The following CNTN5 variants were observed in gnomAD, a reference collection of about 807,000 sequenced individuals.
CNTN5 encodes contactin 5.
CNTN5 carries 77 observed loss-of-function variants against 129.1 expected under a neutral mutation model. The ratio of observed to expected loss-of-function variants is 0.60; its 90% CI spans 0.50 to 0.72. CNTN5 has a LOEUF of 0.72. CNTN5 is among the 30% of genes least tolerant of loss of function. The pLI is 0.00. For missense variants in CNTN5, 1,478 were observed against 1,328.8 expected (o/e 1.11, Z -1.75); for synonymous variants, 509 against 465.6 (o/e 1.09, Z -1.20).
chr11:99,553,979 C>CACACACACACAT (rs1555025628), intron 2 of CNTN5, among the ~76,000 whole-genome samples: 29,284 of 145,352 alleles, frequency 0.2, 2,983 homozygotes, highest in African/African-American at 0.24. Context: ...CACACACACA[C>CACACACACACAT]ACACACACAC....
At position 99,676,118 on chromosome 11, in the gene CNTN5, A is replaced by G. The variant is rs542900660; in HGVS notation, c.55+119849A>G. Among the ~76,000 whole-genome samples, 3 of 152,242 alleles carry G rather than the reference A, an allele frequency of 2.0e-5. No homozygotes were observed. The East Asian group carries it at 5.8e-4, about 29-fold the overall frequency. ...GTGTCCAACATGTAATAAATAGTTA[A>G]TTATTACTTGCTATTCATATTGTGA... On this transcript the variant is annotated intron_variant, in intron 3 of 24. Transcript: ENST00000524871.
intron 2 of CNTN5, among the ~76,000 whole-genome samples, chr11:99,554,426 T>C (rs1406411647): frequency 2.0e-5 from 3 of 152,146 alleles, no homozygotes; most frequent in African/African-American, 7.2e-5. Context: ...CTCCTTTTGA[T>C]GGCTCTCAAC....
intron 3 of CNTN5, among the ~76,000 whole-genome samples, chr11:99,783,870 A>G (rs574711859): frequency 7.2e-5 from 11 of 151,914 alleles, no homozygotes; most frequent in Admixed American, 3.3e-4. Flanking sequence ...ACCTAATGCT[A>G]GATGACGAGT....
At chr11:99,763,348 T>A (rs942663816) in intron 3 of CNTN5, among the ~76,000 whole-genome samples, 16 of 152,076 alleles carry the variant, frequency 1.1e-4, no homozygotes, top group African/African-American at 3.9e-4. Flanking sequence ...AAAAGGATAA[T>A]CATAAATATT....
At chr11:99,974,327 G>A (rs998741364) in intron 8 of CNTN5, among the ~76,000 whole-genome samples, 1 of 152,108 alleles carries the variant, frequency 6.6e-6, no homozygotes, top group African/African-American at 2.4e-5. Context: ...TAAGGGACAG[G>A]CACAAGGTCA....
At chr11:99,177,708 T>A (rs1471500143) in intron 1 of CNTN5, among the ~76,000 whole-genome samples, 1 of 152,078 alleles carries the variant, frequency 6.6e-6, no homozygotes, top group East Asian at 1.9e-4. Flanking sequence ...AGGAAAAAAA[T>A]GTATATATGA....
At chr11:99,992,819 G>A (rs1339792391) in intron 8 of CNTN5, among the ~76,000 whole-genome samples, 1 of 152,184 alleles carries the variant, frequency 6.6e-6, no homozygotes, top group African/African-American at 2.4e-5. Flanking sequence ...CTTTCAGCTG[G>A]AAGGCTTCTG....
intron 13 of CNTN5, among the ~76,000 whole-genome samples, chr11:100,158,764 A>G (rs1347606717): frequency 2.0e-5 from 3 of 151,914 alleles, no homozygotes; most frequent in Admixed American, 2.0e-4. Context: ...TGACCACTCC[A>G]GAGACAGTTT....
intron 21 of CNTN5, among the ~76,000 whole-genome samples, chr11:100,311,424 A>T (rs1951470956): frequency 6.6e-6 from 1 of 150,710 alleles, no homozygotes; most frequent in South Asian, 2.1e-4. Context: ...TTTATTTCTA[A>T]AAAGAGTTCT....
At chr11:100,232,970 C>T (rs545395676) in intron 16 of CNTN5, among the ~76,000 whole-genome samples, 1 of 152,252 alleles carries the variant, frequency 6.6e-6, no homozygotes, top group South Asian at 2.1e-4. Flanking sequence ...GAAAAACGTA[C>T]TATTTTTAGT....
At chr11:100,227,565 C>T (rs538749846) in intron 16 of CNTN5, among the ~76,000 whole-genome samples, 7 of 152,166 alleles carry the variant, frequency 4.6e-5, no homozygotes, top group Non-Finnish European at 8.8e-5. Context: ...TTGCTTTTTT[C>T]GTAAATAATT....
At chr11:99,961,013 A>G (rs1010054926) in intron 8 of CNTN5, among the ~76,000 whole-genome samples, 7 of 151,772 alleles carry the variant, frequency 4.6e-5, no homozygotes, top group Admixed American at 3.9e-4. Flanking sequence ...GACCAACCCA[A>G]CCAACATGGA....
intron 2 of CNTN5, among the ~76,000 whole-genome samples, chr11:99,331,200 A>G (rs1163753885): frequency 6.6e-6 from 1 of 152,122 alleles, no homozygotes; most frequent in East Asian, 1.9e-4. Context: ...GGAAGATACT[A>G]GAAAGCTCAG....
intron 1 of CNTN5, among the ~76,000 whole-genome samples, chr11:99,207,239 T>C (rs932271318): frequency 1.3e-5 from 2 of 152,124 alleles, no homozygotes; most frequent in Admixed American, 1.3e-4. Context: ...TGCAATACTG[T>C]ACAGGACGCA....
chr11:99,978,577 G>A (rs1938142806), intron 8 of CNTN5, among the ~76,000 whole-genome samples: 2 of 152,128 alleles, frequency 1.3e-5, no homozygotes, highest in African/African-American at 4.8e-5. Context: ...ACTTACCATT[G>A]TATTACAATT....
chr11:99,714,465 A>C (rs980903487), intron 3 of CNTN5, among the ~76,000 whole-genome samples: 1 of 151,948 alleles, frequency 6.6e-6, no homozygotes, highest in African/African-American at 2.4e-5. Context: ...CTACCTAATG[A>C]AGCATAGGGT....
At chr11:99,621,258 T>C (rs590960) in intron 3 of CNTN5, among the ~76,000 whole-genome samples, 147,937 of 152,228 alleles carry the variant, frequency 0.97, 72,025 homozygotes, top group East Asian at 1. Context: ...AGAGCAGAAA[T>C]GAGAAAAGCA....
intron 7 of CNTN5, among the ~76,000 whole-genome samples, chr11:99,946,846 C>G (rs2136132362): frequency 6.6e-6 from 1 of 151,720 alleles, no homozygotes; most frequent in Middle Eastern, 3.5e-3. Flanking sequence ...ATGCAAATAT[C>G]AAAATACATT....
At chr11:99,674,289 C>T (rs1953175405) in intron 3 of CNTN5, among the ~76,000 whole-genome samples, 1 of 71,950 alleles carries the variant, frequency 1.4e-5, no homozygotes, top group Admixed American at 2.0e-4. Context: ...GCCCTTGGCC[C>T]ACCTTTTGAT....
Sources: gnomAD v4.1 joint callset for allele counts (sites outside exome capture counted in the v4.1 genomes callset) on GRCh38, gnomAD v4.1.1 for gene constraint, MANE v1.5 for transcripts, NCBI Gene and HGNC (gene_info 2026-07-23, HGNC 2026-07-21) for gene names.